The following SMYD3 variants were observed in gnomAD, a reference collection of about 807,000 sequenced individuals.
The protein encoded by SMYD3 is SET and MYND domain containing 3, also known as histone-lysine N-methyltransferase SMYD3.
A neutral mutation model predicts 57.7 loss-of-function variants in SMYD3; 36 were observed. The ratio of observed to expected loss-of-function variants is 0.62; its 90% CI spans 0.48 to 0.82. The LOEUF is 0.82. Ranked by LOEUF, SMYD3 falls within the 40% of genes least tolerant of loss-of-function variation. SMYD3 has a pLI of 0.00. For synonymous variants in SMYD3, 211 were observed against 195.0 expected (o/e 1.08, Z -0.68); for missense variants, 515 against 538.8 (o/e 0.96, Z 0.44).
chr1:246,067,994 G>A (rs1374863882), intron 5 of SMYD3, among the ~76,000 whole-genome samples: 2 of 152,162 alleles, frequency 1.3e-5, no homozygotes. Flanking sequence ...AGACCGTGTG[G>A]AGGGCCCATG....
chr1:246,059,078 G>A (rs916279326), intron 5 of SMYD3, among the ~76,000 whole-genome samples: 45 of 152,138 alleles, frequency 3.0e-4, no homozygotes, highest in African/African-American at 8.9e-4. Context: ...GGGTTTCACC[G>A]TGTTAGCCAG....
chr1:245,923,839 G>A (rs2147816523), intron 7 of SMYD3, among the ~76,000 whole-genome samples: 1 of 152,278 alleles, frequency 6.6e-6, no homozygotes, highest in Non-Finnish European at 1.5e-5. Flanking sequence ...TGAAGTCAGG[G>A]CTGGGTCTTA....
At chr1:246,244,103 T>C (rs935779856) in intron 5 of SMYD3, among the ~76,000 whole-genome samples, 19 of 151,904 alleles carry the variant, frequency 1.3e-4, no homozygotes, top group African/African-American at 4.6e-4. Flanking sequence ...CTCTTGTACA[T>C]GGGAAACTGT....
At chr1:246,348,255 A>T (rs1385857796) in intron 2 of SMYD3, among the ~76,000 whole-genome samples, 1 of 151,454 alleles carries the variant, frequency 6.6e-6, no homozygotes, top group Non-Finnish European at 1.5e-5. Flanking sequence ...GTCTCTACTA[A>T]AAATACAAAA....
chr1:245,997,769 TAGGACAAAGGGGGA>T (rs1463664030), intron 5 of SMYD3, among the ~76,000 whole-genome samples: 1 of 152,074 alleles, frequency 6.6e-6, no homozygotes, highest in East Asian at 1.9e-4. Flanking sequence ...GACAGCACTT[TAGGACAAAGGGGGA>T]AGGACAAAGG....
At chr1:246,390,602 A>G (rs185134536) in intron 1 of SMYD3, among the ~76,000 whole-genome samples, 113 of 152,362 alleles carry the variant, frequency 7.4e-4, no homozygotes, top group Middle Eastern at 6.8e-3. Context: ...TTAATTTTCT[A>G]GTAATATTTT....
chr1:246,439,444 C>T (rs369620638), intron 1 of SMYD3, among the ~76,000 whole-genome samples: 58 of 152,226 alleles, frequency 3.8e-4, no homozygotes, highest in African/African-American at 1.3e-3. Context: ...ATGACATGGC[C>T]CATTTTTTAG....
In SMYD3 at chr1:246,395,780, ATGGT is replaced by A. The variant is rs1558443062; in HGVS notation, c.165-40690_165-40687del. Among the ~76,000 whole-genome samples, 12 of 150,130 alleles carry A rather than the reference ATGGT, an allele frequency of 8.0e-5. No individual in the cohort carries two copies. The East Asian group carries it at 2.4e-3, about 30-fold the overall frequency. On this transcript the variant is annotated intron_variant, in intron 1 of 11. Coordinates refer to ENST00000490107, the MANE Select transcript of SMYD3 (RefSeq NM_001167740.2). ...GTCAGACAGGGAAGAGGAACCCACCATGGTCAGACAGGGAAGAGGAACCCACCAC... is the reference window on the plus strand; with the variant it reads ...GTCAGACAGGGAAGAGGAACCCACCACAGACAGGGAAGAGGAACCCACCAC...
chr1:246,164,939 A>T (rs1407734133), intron 5 of SMYD3, among the ~76,000 whole-genome samples: 1 of 152,270 alleles, frequency 6.6e-6, no homozygotes, highest in African/African-American at 2.4e-5. Flanking sequence ...AGCCACACAG[A>T]GACGGTGAAT....
chr1:246,216,301 A>AAAAAAGT (rs2063162685), intron 5 of SMYD3, among the ~76,000 whole-genome samples: 3 of 151,228 alleles, frequency 2.0e-5, no homozygotes, highest in Non-Finnish European at 2.9e-5. Context: ...AAAAAAAAAA[A>AAAAAAGT]CTCATAAGCA....
At chr1:246,400,877 G>A (rs185906620) in intron 1 of SMYD3, among the ~76,000 whole-genome samples, 410 of 151,046 alleles carry the variant, frequency 2.7e-3, no homozygotes, top group Non-Finnish European at 4.1e-3. Flanking sequence ...TGTTTTCTTC[G>A]GAAAACACTG....
At chr1:246,230,214 T>C (rs1265965907) in intron 5 of SMYD3, among the ~76,000 whole-genome samples, 1 of 152,190 alleles carries the variant, frequency 6.6e-6, no homozygotes, top group African/African-American at 2.4e-5. Flanking sequence ...CTCCACATGT[T>C]TACAATTGCT....
At chr1:246,283,790 G>T (rs2064500068) in intron 5 of SMYD3, among the ~76,000 whole-genome samples, 1 of 152,110 alleles carries the variant, frequency 6.6e-6, no homozygotes, top group Non-Finnish European at 1.5e-5. Flanking sequence ...TAGAATTTCT[G>T]TCTCCCACTG....
chr1:246,073,579 T>C (rs936066400), intron 5 of SMYD3, among the ~76,000 whole-genome samples: 1 of 152,204 alleles, frequency 6.6e-6, no homozygotes, highest in South Asian at 2.1e-4. Flanking sequence ...TAGCCGGGCA[T>C]GATGGCTCCT....
At chr1:245,851,303 A>AT (rs2050963560) in intron 10 of SMYD3, among the ~76,000 whole-genome samples, 1 of 152,208 alleles carries the variant, frequency 6.6e-6, no homozygotes, top group Non-Finnish European at 1.5e-5. Flanking sequence ...ACCACAGTGC[A>AT]TTTAAGTAGG....
At chr1:246,153,278 C>T (rs772956382) in intron 5 of SMYD3, among the ~76,000 whole-genome samples, 3 of 152,094 alleles carry the variant, frequency 2.0e-5, no homozygotes, top group Non-Finnish European at 4.4e-5. Context: ...TCCTCCTACA[C>T]AGACCATCCA....
intron 5 of SMYD3, among the ~76,000 whole-genome samples, chr1:246,262,344 T>A (rs922083957): frequency 6.6e-6 from 1 of 152,236 alleles, no homozygotes; most frequent in East Asian, 1.9e-4. Context: ...AGAATGGGAA[T>A]AATGTGTTAC....
At chr1:246,401,178 G>GA (rs563120804) in intron 1 of SMYD3, among the ~76,000 whole-genome samples, 2 of 152,012 alleles carry the variant, frequency 1.3e-5, no homozygotes, top group Non-Finnish European at 2.9e-5. Flanking sequence ...CTTTCAAATG[G>GA]AAAAAAGCTG....
intron 5 of SMYD3, among the ~76,000 whole-genome samples, chr1:246,103,941 GAAAACCTTGTT>G (rs2061069303): frequency 6.6e-6 from 1 of 152,126 alleles, no homozygotes; most frequent in Non-Finnish European, 1.5e-5. Context: ...CATCCTTGAA[GAAAACCTTGTT>G]CAGATGGGCC....
Sources: gnomAD v4.1 joint callset for allele counts (sites outside exome capture counted in the v4.1 genomes callset) on GRCh38, gnomAD v4.1.1 for gene constraint, MANE v1.5 for transcripts, NCBI Gene and HGNC (gene_info 2026-07-23, HGNC 2026-07-21) for gene names.